The following GRM1 variants were observed in gnomAD, a reference collection of about 807,000 sequenced individuals.
GRM1 encodes metabotropic glutamate receptor 1.
Under a neutral mutation model 90.9 loss-of-function variants are expected in GRM1, and 33 were observed. That is an observed-to-expected ratio of 0.36 (90% CI 0.28 to 0.49). The LOEUF (loss-of-function observed/expected upper bound fraction) is 0.49, where lower values mean the gene tolerates loss of function less well. Ranked by LOEUF, GRM1 falls within the 20% of genes least tolerant of loss-of-function variation. The probability of loss-of-function intolerance (pLI) is 0.99; values close to 1 mark genes in which losing one functional copy is unlikely to be tolerated. For missense variants in GRM1, 1,190 were observed against 1,534.3 expected (o/e 0.78, Z 3.75); for synonymous variants, 700 against 613.2 (o/e 1.14, Z -2.09).
In GRM1 at chr6:146,057,814, T is replaced by A. The variant is rs375513102; in HGVS notation, c.700+27597T>A. On this transcript the variant is annotated intron_variant, in intron 1 of 7. Coordinates refer to ENST00000282753, the MANE Select transcript of GRM1 (RefSeq NM_001278064.2). ...ATCTCAGAGAAAAAGATTTGATATG[T>A]TCCCTGAAGAACTCTAAAGAAGATT... 1.8e-4 allele frequency among the ~76,000 whole-genome samples: 27 copies of A among 152,250 alleles called. No individual in the cohort carries two copies. In the East Asian group the frequency reaches 4.6e-3, roughly 26 times the overall value.
intron 1 of GRM1, among the ~76,000 whole-genome samples, chr6:146,114,221 ATACTAATGGT>A (rs1243404643): frequency 6.6e-6 from 1 of 152,228 alleles, no homozygotes; most frequent in Admixed American, 6.5e-5. Context: ...TCAGAATAGA[ATACTAATGGT>A]TGTTTAGAAT....
At chr6:146,359,413 C>T (rs2115058990) in intron 5 of GRM1, among the ~76,000 whole-genome samples, 1 of 152,310 alleles carries the variant, frequency 6.6e-6, no homozygotes, top group African/African-American at 2.4e-5. Flanking sequence ...AAGGATGTCA[C>T]ATGTTGGCTC....
chr6:146,157,792 A>G (rs970610098), intron 1 of GRM1, among the ~76,000 whole-genome samples: 1 of 152,180 alleles, frequency 6.6e-6, no homozygotes, highest in Admixed American at 6.5e-5. Flanking sequence ...GATAGATAAT[A>G]TAAATGCCAG....
intron 1 of GRM1, among the ~76,000 whole-genome samples, chr6:146,089,530 A>G (rs928471877): frequency 3.9e-5 from 6 of 152,136 alleles, no homozygotes; most frequent in African/African-American, 1.4e-4. Context: ...TAGAAAATCA[A>G]TACAACTTCA....
At chr6:146,398,002 C>A (rs1777028363) in intron 6 of GRM1, among the ~76,000 whole-genome samples, 1 of 152,164 alleles carries the variant, frequency 6.6e-6, no homozygotes, top group African/African-American at 2.4e-5. Context: ...ACAAATTTTT[C>A]TCTCACTCTG....
At chr6:146,123,364 C>CAG (rs1776072525) in intron 1 of GRM1, among the ~76,000 whole-genome samples, 1 of 152,102 alleles carries the variant, frequency 6.6e-6, no homozygotes, top group Non-Finnish European at 1.5e-5. Flanking sequence ...GCTTTGTAGG[C>CAG]AGAGAGAGTG....
At chr6:146,112,611 A>T (rs1365850452) in intron 1 of GRM1, among the ~76,000 whole-genome samples, 2 of 152,162 alleles carry the variant, frequency 1.3e-5, no homozygotes, top group Admixed American at 1.3e-4. Context: ...GTCTCCCAAG[A>T]GGTATTTGTC....
At chr6:146,216,079 A>G (rs1779862405) in intron 2 of GRM1, among the ~76,000 whole-genome samples, 1 of 152,192 alleles carries the variant, frequency 6.6e-6, no homozygotes, top group South Asian at 2.1e-4. Context: ...AAAATACTGT[A>G]TATTCTAGAA....
At chr6:146,304,326 T>C (rs1421821059) in intron 2 of GRM1, among the ~76,000 whole-genome samples, 1 of 152,172 alleles carries the variant, frequency 6.6e-6, no homozygotes, top group African/African-American at 2.4e-5. Flanking sequence ...TAAAAGTGAA[T>C]GGCGCAGAAT....
chr6:146,085,835 C>T (rs1293868116), intron 1 of GRM1, among the ~76,000 whole-genome samples: 1 of 152,012 alleles, frequency 6.6e-6, no homozygotes, highest in African/African-American at 2.4e-5. Flanking sequence ...GATTTAGTTG[C>T]TTTGAGGAAT....
At chr6:146,285,573 G>A (rs1782732886) in intron 2 of GRM1, among the ~76,000 whole-genome samples, 1 of 151,960 alleles carries the variant, frequency 6.6e-6, no homozygotes, top group Non-Finnish European at 1.5e-5. Context: ...GATTCATATT[G>A]TGCTCAGGAA....
intron 3 of GRM1, among the ~76,000 whole-genome samples, chr6:146,343,636 ATTG>A (rs1260570974): frequency 1.4e-5 from 2 of 144,416 alleles, no homozygotes; most frequent in Non-Finnish European, 3.0e-5. Flanking sequence ...TCCATTTTTT[ATTG>A]TTGTTGTTGT....
At chr6:146,143,872 C>A (rs912824880) in intron 1 of GRM1, among the ~76,000 whole-genome samples, 2 of 152,166 alleles carry the variant, frequency 1.3e-5, no homozygotes, top group African/African-American at 4.8e-5. Flanking sequence ...TTTCCTAGTA[C>A]AAACCCTGTA....
intron 2 of GRM1, among the ~76,000 whole-genome samples, chr6:146,303,357 T>C (rs1783463221): frequency 6.6e-6 from 1 of 152,148 alleles, no homozygotes; most frequent in African/African-American, 2.4e-5. Flanking sequence ...ACAGCCTTAA[T>C]ATTCTCTTCA....
intron 6 of GRM1, among the ~76,000 whole-genome samples, chr6:146,397,487 A>G (rs1400045522): frequency 6.7e-6 from 1 of 148,892 alleles, no homozygotes; most frequent in Non-Finnish European, 1.5e-5. Flanking sequence ...AAAAAAAGAA[A>G]AAAAAAAAAA....
intron 7 of GRM1, among the ~76,000 whole-genome samples, chr6:146,426,870 T>A (rs1778230933): frequency 6.6e-6 from 1 of 152,068 alleles, no homozygotes. Context: ...TTTGATGCAC[T>A]ATTTTTTTTT....
chr6:146,051,431 A>G (rs1467153281), intron 1 of GRM1, among the ~76,000 whole-genome samples: 2 of 152,112 alleles, frequency 1.3e-5, no homozygotes, highest in Non-Finnish European at 2.9e-5. Context: ...GAGCTAGCAC[A>G]TAATTTACTG....
intron 4 of GRM1, among the ~76,000 whole-genome samples, chr6:146,355,920 C>T (rs1295861793): frequency 6.6e-6 from 1 of 152,130 alleles, no homozygotes; most frequent in African/African-American, 2.4e-5. Context: ...AGCAAGAGGC[C>T]GTGACTCATC....
chr6:146,096,923 A>AC (rs1776893259), intron 1 of GRM1, among the ~76,000 whole-genome samples: 1 of 152,134 alleles, frequency 6.6e-6, no homozygotes, highest in Non-Finnish European at 1.5e-5. Flanking sequence ...CTGTGAATTT[A>AC]CTTTTTTTTC....
Sources: gnomAD v4.1 joint callset for allele counts (sites outside exome capture counted in the v4.1 genomes callset) on GRCh38, gnomAD v4.1.1 for gene constraint, MANE v1.5 for transcripts, NCBI Gene and HGNC (gene_info 2026-07-23, HGNC 2026-07-21) for gene names.